ST3GAL3: variants seen among roughly 807,000 people sequenced by gnomAD.
The protein encoded by ST3GAL3 is ST3 beta-galactoside alpha-2,3-sialyltransferase 3.
In ST3GAL3, 21 loss-of-function variants were observed where a neutral mutation model predicts 50.1. That is an observed-to-expected ratio of 0.42 (90% confidence interval 0.30 to 0.60). The LOEUF is 0.60. Ranked by LOEUF, ST3GAL3 falls within the 20% of genes least tolerant of loss-of-function variation. The pLI, the probability that ST3GAL3 is intolerant of heterozygous loss-of-function variation, is 0.19. For missense variants in ST3GAL3, 353 were observed against 489.4 expected (o/e 0.72, Z 2.63); for synonymous variants, 183 against 190.0 (o/e 0.96, Z 0.30).
chr1:43,799,802 C>T (rs1459188271), intron 3 of ST3GAL3: 1 of 152,218 alleles, frequency 6.6e-6, no homozygotes, highest in African/African-American at 2.4e-5. Context: ...TTCCCATTTC[C>T]TGTACCAGCA....
chr1:43,818,470 T>G (rs962899103), intron 4 of ST3GAL3, among the ~76,000 whole-genome samples: 4 of 152,206 alleles, frequency 2.6e-5, no homozygotes, highest in African/African-American at 9.7e-5. Context: ...ATGCAGACTT[T>G]CCATAGAGGA....
chr1:43,724,665 TGGAGGTGAGCATG>T (rs1420677728), intron 1 of ST3GAL3, among the ~76,000 whole-genome samples: 2 of 152,110 alleles, frequency 1.3e-5, no homozygotes, highest in Non-Finnish European at 2.9e-5. Context: ...AATGCTATGA[TGGAGGTGAGCATG>T]GGATGTTATG....
chr1:43,852,075 C>T (rs1165348890), intron 5 of ST3GAL3, among the ~76,000 whole-genome samples: 3 of 152,182 alleles, frequency 2.0e-5, no homozygotes, highest in African/African-American at 7.2e-5. Context: ...TAGGTGCAGA[C>T]TAAGGAGCAG....
intron 2 of ST3GAL3, among the ~76,000 whole-genome samples, chr1:43,764,863 T>G (rs1691966305): frequency 6.6e-6 from 1 of 152,210 alleles, no homozygotes; most frequent in African/African-American, 2.4e-5. Flanking sequence ...AGCTGGGGAA[T>G]AAGCCCTTTA....
At chr1:43,897,664 G>A (rs1381549320) in intron 6 of ST3GAL3, among the ~76,000 whole-genome samples, 1 of 152,216 alleles carries the variant, frequency 6.6e-6, no homozygotes, top group Non-Finnish European at 1.5e-5. Flanking sequence ...GAGTAAAGAG[G>A]TGAGGAGGTA....
intron 6 of ST3GAL3, among the ~76,000 whole-genome samples, chr1:43,894,758 T>C (rs1283903360): frequency 6.6e-6 from 1 of 151,848 alleles, no homozygotes; most frequent in Non-Finnish European, 1.5e-5. Flanking sequence ...GCCTCCTGAG[T>C]AGCTGGGACC....
chr1:43,898,214 A>G, intron 6 of ST3GAL3, 21 bp from the exon 7 acceptor site: 1 of 1,613,176 alleles, frequency 6.2e-7, no homozygotes, highest in Non-Finnish European at 8.5e-7. Flanking sequence ...TGTAACAGAA[A>G]CCTCTCTCCT....
intron 5 of ST3GAL3, among the ~76,000 whole-genome samples, chr1:43,857,497 T>TTCCTTCCTTCCTTCCTTCCC (rs1225738312): frequency 6.8e-6 from 1 of 146,604 alleles, no homozygotes; most frequent in African/African-American, 2.5e-5. Context: ...CCTTCCTTCC[T>TTCCTTCCTTCCTTCCTTCCC]TCCCTCTTCC....
chr1:43,735,127 C>T (rs1042557646), intron 1 of ST3GAL3, among the ~76,000 whole-genome samples: 1 of 152,064 alleles, frequency 6.6e-6, no homozygotes, highest in Admixed American at 6.6e-5. Flanking sequence ...AGTCAGAAAC[C>T]GCTAGGCTGT....
At chr1:43,709,541 G>A (rs1371803341) in intron 1 of ST3GAL3, 3 of 151,882 alleles carry the variant, frequency 2.0e-5, no homozygotes, top group East Asian at 1.9e-4. Flanking sequence ...GTGACCTGGA[G>A]AATTAAAAAA....
chr1:43,712,607 G>A (rs1665326249), intron 1 of ST3GAL3, among the ~76,000 whole-genome samples: 1 of 152,200 alleles, frequency 6.6e-6, no homozygotes, highest in Non-Finnish European at 1.5e-5. Context: ...GTGGTTGAGG[G>A]TCTTGTGGGA....
intron 2 of ST3GAL3, among the ~76,000 whole-genome samples, chr1:43,782,072 C>T (rs1015366069): frequency 1.3e-5 from 2 of 152,194 alleles, no homozygotes; most frequent in African/African-American, 4.8e-5. Context: ...ACTGAACCTG[C>T]TCTTTCTGAA....
rs188566153 is a variant in ST3GAL3 at position 43,907,272 on chromosome 1, C to G, written c.744+7545C>G. ...CCAAAGCAATCACCAACATCATGTG[C>G]AGTCCCGTTCTTCAAGCACAGTCTC... is the stretch of plus-strand genomic sequence containing the variant. On this transcript the variant is annotated intron_variant, in intron 9 of 11. Coordinates refer to ENST00000347631, the MANE Select transcript of ST3GAL3 (RefSeq NM_006279.5). Among the ~76,000 whole-genome samples the G allele has an allele frequency of 1.1e-4, 17 of 152,314 alleles. No homozygotes were observed. The East Asian group carries it at 3.1e-3, about 28-fold the overall frequency.
At chr1:43,744,655 A>AAAATAAATAAATAAAT (rs71036638) in intron 2 of ST3GAL3, among the ~76,000 whole-genome samples, 15,362 of 140,734 alleles carry the variant, frequency 0.11, 941 homozygotes, top group East Asian at 0.14. Flanking sequence ...TCCCTCTCAA[A>AAAATAAATAAATAAAT]AAATAAATAA....
At chr1:43,793,270 A>T (rs1407291175) in intron 3 of ST3GAL3, among the ~76,000 whole-genome samples, 1 of 152,024 alleles carries the variant, frequency 6.6e-6, no homozygotes, top group Non-Finnish European at 1.5e-5. Context: ...GTATATATTT[A>T]TAGGGTACAT....
intron 1 of ST3GAL3, among the ~76,000 whole-genome samples, chr1:43,723,797 A>C (rs1363623182): frequency 6.6e-6 from 1 of 151,870 alleles, no homozygotes; most frequent in Non-Finnish European, 1.5e-5. Context: ...TTTTTAGTAG[A>C]GATGAGGTTT....
At chr1:43,735,831 T>G (rs575378349) in intron 1 of ST3GAL3, among the ~76,000 whole-genome samples, 2 of 152,354 alleles carry the variant, frequency 1.3e-5, no homozygotes, top group South Asian at 2.1e-4. Flanking sequence ...ATTAAAAGAC[T>G]TCTTGTGCCA....
chr1:43,790,575 T>A (rs771458845), intron 2 of ST3GAL3, among the ~76,000 whole-genome samples: 13 of 152,168 alleles, frequency 8.5e-5, no homozygotes, highest in Non-Finnish European at 1.6e-4. Context: ...ATACAAGATT[T>A]ACAGCTGCTT....
intron 1 of ST3GAL3, among the ~76,000 whole-genome samples, chr1:43,735,651 G>A (rs552278445): frequency 1.6e-4 from 25 of 152,256 alleles, no homozygotes; most frequent in African/African-American, 5.8e-4. Flanking sequence ...GGCCTTGTGC[G>A]ACTCTAAGCA....
Sources: allele counts gnomAD v4.1 joint callset (sites outside exome capture counted in the v4.1 genomes callset), GRCh38; gene constraint gnomAD v4.1.1; transcripts MANE v1.5; gene names NCBI Gene and HGNC (gene_info 2026-07-23, HGNC 2026-07-21).